VRK2: variants seen among roughly 807,000 people sequenced by gnomAD.
VRK2 encodes the protein serine/threonine-protein kinase VRK2.
VRK2 carries 60 observed loss-of-function variants against 57.6 expected under a neutral mutation model. The ratio of observed to expected loss-of-function variants is 1.04; its 90% CI spans 0.85 to 1.29. The LOEUF (loss-of-function observed/expected upper bound fraction) is 1.29, where lower values mean the gene tolerates loss of function less well. VRK2 is among the 50% of genes most tolerant of loss of function. VRK2 has a pLI of 0.00. For missense variants in VRK2, 705 were observed against 588.1 expected, an observed-to-expected ratio of 1.20 and a Z score of -2.06; for synonymous variants, 231 against 199.2, an observed-to-expected ratio of 1.16 and a Z score of -1.35.
chr2:58,048,700 C>G, intron 1 of VRK2, 127 bp from the exon 2 acceptor site: 2 of 1,495,744 alleles, frequency 1.3e-6, no homozygotes. Context: ...ACTGAATTAA[C>G]TTTAGAATCC....
At chr2:58,104,286 A>G (rs1674430029) in intron 7 of VRK2, among the ~76,000 whole-genome samples, 1 of 151,848 alleles carries the variant, frequency 6.6e-6, no homozygotes. Context: ...CTATTTGCCA[A>G]CAATATGATC....
chr2:58,014,764 T>C (rs1242500102), intron 1 of VRK2, among the ~76,000 whole-genome samples: 5 of 152,176 alleles, frequency 3.3e-5, no homozygotes, highest in Admixed American at 3.3e-4. Context: ...TGATACCACA[T>C]TTTAGAACTT....
intron 1 of VRK2, among the ~76,000 whole-genome samples, chr2:58,013,307 G>C (rs7568266): frequency 0.34 from 51,318 of 152,004 alleles, 10,108 homozygotes; most frequent in East Asian, 0.53. Flanking sequence ...AAATTTATTT[G>C]TGTCTGTTAT....
intron 12 of VRK2, among the ~76,000 whole-genome samples, chr2:58,150,626 GAT>G (rs368673613): frequency 1.3e-3 from 140 of 111,600 alleles, no homozygotes; most frequent in African/African-American, 4.5e-3. Flanking sequence ...ACCTACCATT[GAT>G]ATGTTTTCTG....
At chr2:58,143,896 C>G (rs895946045) in intron 11 of VRK2, among the ~76,000 whole-genome samples, 10 of 151,592 alleles carry the variant, frequency 6.6e-5, no homozygotes, top group Non-Finnish European at 1.5e-4. Context: ...TTATAGAACA[C>G]ATTTTCTTTA....
At chr2:58,030,700 T>A (rs990171990) in intron 2 of VRK2, among the ~76,000 whole-genome samples, 1 of 152,062 alleles carries the variant, frequency 6.6e-6, no homozygotes, top group African/African-American at 2.4e-5. Flanking sequence ...ACCTCTCTTC[T>A]TAAGTCTGGG....
At chr2:57,994,314 A>T (rs534993400) in intron 1 of VRK2, among the ~76,000 whole-genome samples, 7 of 152,338 alleles carry the variant, frequency 4.6e-5, no homozygotes, top group African/African-American at 1.7e-4. Flanking sequence ...TAACATTATA[A>T]CATAAACTGT....
At chr2:57,964,889 A>C (rs1469207411) in intron 1 of VRK2, among the ~76,000 whole-genome samples, 11 of 149,992 alleles carry the variant, frequency 7.3e-5, no homozygotes, top group Non-Finnish European at 1.5e-4. Flanking sequence ...CAAAAAAAAA[A>C]AAAAAAAAAA....
intron 7 of VRK2, among the ~76,000 whole-genome samples, chr2:58,119,376 C>G (rs558811651): frequency 6.7e-6 from 1 of 148,706 alleles, no homozygotes; most frequent in African/African-American, 2.5e-5. Flanking sequence ...AGGCATGGGG[C>G]TGAGGCAGGA....
At chr2:58,153,867 C>A (rs749097756) in intron 12 of VRK2, among the ~76,000 whole-genome samples, 3 of 152,008 alleles carry the variant, frequency 2.0e-5, no homozygotes, top group Non-Finnish European at 1.5e-5. Context: ...AATTCAATTT[C>A]TTTAGTAAGA....
chr2:57,960,038 G>C (rs1205977043), intron 1 of VRK2, among the ~76,000 whole-genome samples: 1 of 144,986 alleles, frequency 6.9e-6, no homozygotes, highest in Non-Finnish European at 1.5e-5. Flanking sequence ...ATGTGTGAGA[G>C]AGAGGTGTGT....
intron 7 of VRK2, among the ~76,000 whole-genome samples, chr2:58,098,374 G>A (rs1297663532): frequency 6.6e-6 from 1 of 152,084 alleles, no homozygotes; most frequent in Non-Finnish European, 1.5e-5. Flanking sequence ...GTAGCATACA[G>A]TAATGTCCTA....
At chr2:58,018,532 T>C (rs984480216) in intron 1 of VRK2, among the ~76,000 whole-genome samples, 1 of 152,224 alleles carries the variant, frequency 6.6e-6, no homozygotes, top group South Asian at 2.1e-4. Context: ...AATTTATAAA[T>C]GTAATGTTGT....
chr2:58,159,494 A>G lies in VRK2; in HGVS notation c.1328A>G (p.Lys443Arg). Reference protein sequence around the residue: ...HQDFTSPDIFKKSRSPSWYKY... With the variant: ...HQDFTSPDIFRKSRSPSWYKY... ...GATTTTACCAGTCCAGATATATTCA[A>G]GAAGTCAAGATCTCCATCTTGGTAT... The change falls in exon 13 of 13, where the codon AAG becomes AGG. Residue 443 changes from lysine (K) to arginine (R), a missense_variant. Lys to Arg is a conservative substitution (Grantham distance 26). Coordinates refer to ENST00000340157, the MANE Select transcript of VRK2 (RefSeq NM_006296.7). 2 of 1,613,774 alleles carry G rather than the reference A, an allele frequency of 1.2e-6. No homozygotes were observed. The highest frequency in any genetic ancestry group is 2.2e-5 in the South Asian group (2 of 91,068).
rs1013438152 is a variant in VRK2, at chr2:58,021,776, G to C, written c.-438-3889G>C. Among the ~76,000 whole-genome samples the C allele has an allele frequency of 5.3e-5, 8 of 152,030 alleles. No homozygotes were observed. In the East Asian group the frequency reaches 1.5e-3, roughly 29 times the overall value. On this transcript the variant is annotated intron_variant, in intron 1 of 15. Transcript: ENST00000417641. ...CATACCTTTCCACATTATCACAATT[G>C]GCTACCGAAACCTACATCTTCATTC...
intron 8 of VRK2, among the ~76,000 whole-genome samples, chr2:58,124,382 C>G (rs746791090): frequency 8.5e-5 from 13 of 152,118 alleles, no homozygotes; most frequent in Admixed American, 8.5e-4. Context: ...AAAGTCAATT[C>G]TAATGTTATG....
At chr2:57,928,240 T>C (rs141776427) in intron 1 of VRK2, among the ~76,000 whole-genome samples, 4 of 152,110 alleles carry the variant, frequency 2.6e-5, no homozygotes, top group Non-Finnish European at 5.9e-5. Flanking sequence ...TTTTTTCTTT[T>C]GTCTTCTGAC....
intron 12 of VRK2, among the ~76,000 whole-genome samples, chr2:58,156,941 T>G (rs912699314): frequency 6.6e-6 from 1 of 152,210 alleles, no homozygotes; most frequent in African/African-American, 2.4e-5. Flanking sequence ...GCTGTGGTCT[T>G]TAGACTCCAG....
intron 2 of VRK2, among the ~76,000 whole-genome samples, chr2:58,067,938 G>GT (rs112799482): frequency 0.081 from 11,164 of 138,098 alleles, 473 homozygotes; most frequent in Middle Eastern, 0.1. Flanking sequence ...TTTTTGTTTT[G>GT]TTTTTTTTTG....
Sources: gnomAD v4.1 joint callset for allele counts (sites outside exome capture counted in the v4.1 genomes callset) on GRCh38, gnomAD v4.1.1 for gene constraint, MANE v1.5 for transcripts, NCBI Gene and HGNC (gene_info 2026-07-23, HGNC 2026-07-21) for gene names.